ALK: variants seen among roughly 807,000 people sequenced by gnomAD.
ALK encodes ALK receptor tyrosine kinase, also known as ALK tyrosine kinase receptor.
Under a neutral mutation model 163.1 loss-of-function variants are expected in ALK, and 74 were observed. The ratio of observed to expected loss-of-function variants is 0.45; its 90% confidence interval spans 0.38 to 0.55. The LOEUF is 0.55. Ranked by LOEUF, ALK falls within the 20% of genes least tolerant of loss-of-function variation. The pLI is 0.00. For missense variants in ALK, 2,063 were observed against 2,105.3 expected (o/e 0.98, Z 0.39); for synonymous variants, 960 against 843.2 (o/e 1.14, Z -2.40).
At chr2:29,414,453 C>A (rs147177469) in intron 4 of ALK, among the ~76,000 whole-genome samples, 249 of 152,276 alleles carry the variant, frequency 1.6e-3, no homozygotes, top group African/African-American at 5.9e-3. Context: ...CTTGCCAAAA[C>A]CCTCTGCTTT....
chr2:29,233,991 G>T (rs1211331756), intron 13 of ALK, among the ~76,000 whole-genome samples: 1 of 151,032 alleles, frequency 6.6e-6, no homozygotes, highest in Non-Finnish European at 1.5e-5. Flanking sequence ...GAAGGATAGG[G>T]AGTTTTTTTT....
At chr2:29,752,595 G>A (rs971298199) in intron 1 of ALK, among the ~76,000 whole-genome samples, 9 of 151,862 alleles carry the variant, frequency 5.9e-5, no homozygotes, top group Non-Finnish European at 1.0e-4. Context: ...TGATCCGCCC[G>A]TCTCGGCCTC....
At chr2:29,599,628 G>C (rs1268629340) in intron 3 of ALK, among the ~76,000 whole-genome samples, 1 of 152,200 alleles carries the variant, frequency 6.6e-6, no homozygotes, top group African/African-American at 2.4e-5. Context: ...GAAGACACTT[G>C]AGTTTCTTCT....
chr2:29,272,696 A>G (rs1359061150), intron 11 of ALK, among the ~76,000 whole-genome samples: 1 of 152,206 alleles, frequency 6.6e-6, no homozygotes, highest in East Asian at 1.9e-4. Context: ...GGAAAGAAAA[A>G]TCTTATTATC....
chr2:29,620,998 AG>A (rs1676019882), intron 3 of ALK, among the ~76,000 whole-genome samples: 2 of 152,184 alleles, frequency 1.3e-5, no homozygotes, highest in Non-Finnish European at 2.9e-5. Flanking sequence ...GAATATGCAA[AG>A]GGTGAGTGAG....
intron 1 of ALK, among the ~76,000 whole-genome samples, chr2:29,760,748 G>A (rs950693541): frequency 9.9e-5 from 15 of 152,154 alleles, no homozygotes; most frequent in African/African-American, 3.1e-4. Context: ...TGGGGGTAGA[G>A]GGAGTATTTG....
chr2:29,661,862 T>C (rs1167720085), intron 3 of ALK, among the ~76,000 whole-genome samples: 2 of 152,186 alleles, frequency 1.3e-5, no homozygotes, highest in Non-Finnish European at 2.9e-5. Context: ...AACTCTTATA[T>C]GTTTATGGAG....
intron 1 of ALK, among the ~76,000 whole-genome samples, chr2:29,777,245 C>A (rs2148348213): frequency 1.3e-5 from 2 of 152,156 alleles, no homozygotes; most frequent in Middle Eastern, 6.8e-3. Flanking sequence ...TTGCAATGTA[C>A]TATTATTTTA....
intron 26 of ALK, among the ~76,000 whole-genome samples, chr2:29,201,065 A>G (rs1226802482): frequency 6.6e-6 from 1 of 151,780 alleles, no homozygotes; most frequent in Non-Finnish European, 1.5e-5. Context: ...CTCCTTAATC[A>G]TAACCTGAAA....
intron 1 of ALK, among the ~76,000 whole-genome samples, chr2:29,866,373 C>T (rs1401383397): frequency 6.6e-6 from 1 of 152,180 alleles, no homozygotes; most frequent in Non-Finnish European, 1.5e-5. Flanking sequence ...CATGGTGCAA[C>T]TCGACACGCA....
chr2:29,311,231 C>A (rs909231144), intron 8 of ALK, among the ~76,000 whole-genome samples: 2 of 152,320 alleles, frequency 1.3e-5, no homozygotes, highest in East Asian at 1.9e-4. Flanking sequence ...CCAACCAAGG[C>A]AGAGCAGGTG....
intron 1 of ALK, among the ~76,000 whole-genome samples, chr2:29,824,508 G>A (rs2148381287): frequency 6.6e-6 from 1 of 152,354 alleles, no homozygotes; most frequent in Admixed American, 6.5e-5. Flanking sequence ...AGCCACTGAG[G>A]CAGAGCTGTC....
rs371993171 is a variant in ALK, at chr2:29,876,781, T to C, written c.667+43212A>G. Among the ~76,000 whole-genome samples, 337 of 151,480 alleles carry C rather than the reference T, an allele frequency of 2.2e-3. 2 individuals carry two copies. Among genetic ancestry groups the C allele is most frequent in the African/African-American group, 8.0e-3 (328 of 41,116 alleles). ...GTGATGGTGATGATGATGGTGATGA[T>C]GGTGGTGATAATGATGATGGTGGTG... On this transcript the variant is annotated intron_variant, in intron 1 of 28. Transcript: ENST00000389048.
chr2:29,659,367 T>C (rs1409893888), intron 3 of ALK, among the ~76,000 whole-genome samples: 1 of 152,094 alleles, frequency 6.6e-6, no homozygotes, highest in Non-Finnish European at 1.5e-5. Context: ...CTGACATCAC[T>C]ACACCCAGGA....
chr2:29,217,806 C>T (rs569584470), intron 23 of ALK, among the ~76,000 whole-genome samples: 1 of 152,286 alleles, frequency 6.6e-6, no homozygotes, highest in Non-Finnish European at 1.5e-5. Flanking sequence ...ACAAGCGAAT[C>T]AGGTGGAATT....
intron 5 of ALK, among the ~76,000 whole-genome samples, chr2:29,365,542 A>G (rs1528422): frequency 1 from 151,684 of 152,300 alleles, 75,536 homozygotes; most frequent in Middle Eastern, 1. Flanking sequence ...GGAAAAAGAC[A>G]CAAGTGGTGC....
intron 4 of ALK, among the ~76,000 whole-genome samples, chr2:29,489,702 C>T (rs1312713449): frequency 6.6e-6 from 1 of 152,158 alleles, no homozygotes; most frequent in Non-Finnish European, 1.5e-5. Context: ...CAGTGAACTC[C>T]ACCAGGATGA....
At chr2:29,904,437 T>C (rs1395879262) in intron 1 of ALK, among the ~76,000 whole-genome samples, 1 of 152,094 alleles carries the variant, frequency 6.6e-6, no homozygotes, top group Non-Finnish European at 1.5e-5. Flanking sequence ...ACTGTGAGAA[T>C]AGTTAGATCT....
intron 4 of ALK, among the ~76,000 whole-genome samples, chr2:29,458,497 G>A (rs1443730292): frequency 1.3e-5 from 2 of 152,132 alleles, no homozygotes; most frequent in Non-Finnish European, 2.9e-5. Flanking sequence ...TTTCATTTGA[G>A]GGACTCCATG....
Sources: gnomAD v4.1 joint callset for allele counts (sites outside exome capture counted in the v4.1 genomes callset) on GRCh38, gnomAD v4.1.1 for gene constraint, MANE v1.5 for transcripts, NCBI Gene and HGNC (gene_info 2026-07-23, HGNC 2026-07-21) for gene names.